RECQL: variants seen among roughly 807,000 people sequenced by gnomAD.
RECQL encodes the protein ATP-dependent DNA helicase Q1.
In RECQL, 73 loss-of-function variants were observed where a neutral mutation model predicts 75.8. The ratio of observed to expected loss-of-function variants is 0.96; its 90% confidence interval spans 0.80 to 1.17. The LOEUF (loss-of-function observed/expected upper bound fraction) is 1.17. RECQL is among the 50% of genes most tolerant of loss of function. The pLI is 0.00. For synonymous variants in RECQL, 248 were observed against 254.4 expected (o/e 0.97, Z 0.24); for missense variants, 699 against 772.1 (o/e 0.91, Z 1.12).
intron 2 of RECQL, among the ~76,000 whole-genome samples, chr12:21,495,337 C>T (rs1943485254): frequency 6.6e-6 from 1 of 152,208 alleles, no homozygotes; most frequent in Non-Finnish European, 1.5e-5. Context: ...TGGCTCACGC[C>T]TGTAATCCCA....
chr12:21,491,834 G>A, intron 2 of RECQL, 118 bp from the exon 3 acceptor site: 2 of 896,108 alleles, frequency 2.2e-6, no homozygotes, highest in South Asian at 3.6e-5. Context: ...AAGTAGTATA[G>A]CAGAATGGTT....
intron 12 of RECQL, among the ~76,000 whole-genome samples, chr12:21,472,200 T>TGGTAA (rs201456412): frequency 0.02 from 2,975 of 152,188 alleles, 87 homozygotes; most frequent in Admixed American, 0.091. Context: ...GGTCTTACCA[T>TGGTAA]GAGGTACTGG....
At position 21,471,590 on chromosome 12, in the gene RECQL, T is replaced by C; in HGVS notation, c.1505A>G (p.Gln502Arg). ...GAGTTTTTCATTCAGTTCCTCTGCC[T>C]GCTTCAGGATCTTGATTAGATCTCT... ...YCRDLIKILKQAEELNEKLTP... is the reference protein window; with the variant it reads ...YCRDLIKILKRAEELNEKLTP... Residue 502 changes from glutamine (Q) to arginine (R), a missense_variant, in exon 13 of 15, where the codon CAG becomes CGG. By Grantham distance (43) the Gln-to-Arg change is conservative. Coordinates refer to ENST00000444129, the MANE Select transcript of RECQL (RefSeq NM_002907.4). 1 of 1,612,852 alleles carries C rather than the reference T, an allele frequency of 6.2e-7. No homozygotes were observed. Among genetic ancestry groups the C allele is most frequent in the Non-Finnish European group, 8.5e-7 (1 of 1,179,244 alleles).
chr12:21,491,052 G>A (rs1431137608), intron 3 of RECQL, among the ~76,000 whole-genome samples: 2 of 152,138 alleles, frequency 1.3e-5, no homozygotes, highest in Non-Finnish European at 2.9e-5. Flanking sequence ...TTGTTCAGAC[G>A]TGAATCATTG....
chr12:21,480,697 C>A (rs1432078851), intron 6 of RECQL, among the ~76,000 whole-genome samples: 1 of 152,156 alleles, frequency 6.6e-6, no homozygotes, highest in African/African-American at 2.4e-5. Flanking sequence ...GTCACCCCTG[C>A]AAGGCTTCTC....
At chr12:21,483,073 AT>A (rs77123184) in intron 6 of RECQL, among the ~76,000 whole-genome samples, 16,172 of 152,156 alleles carry the variant, frequency 0.11, 951 homozygotes, top group East Asian at 0.22. Flanking sequence ...ATGTGTCCAT[AT>A]TTGTCCATAA....
intron 11 of RECQL, among the ~76,000 whole-genome samples, chr12:21,474,120 ATTC>A (rs145645408): frequency 0.033 from 5,061 of 152,186 alleles, 305 homozygotes; most frequent in African/African-American, 0.11. Flanking sequence ...TTAGGAGAAT[ATTC>A]TTGACAGTAA....
At chr12:21,471,696 G>A (rs1942970191) in intron 12 of RECQL, 49 bp from the exon 13 acceptor site, 2 of 1,399,970 alleles carry the variant, frequency 1.4e-6, no homozygotes, top group Non-Finnish European at 2.0e-6. Flanking sequence ...TAGAAATGAG[G>A]GCAAAGATAG....
intron 6 of RECQL, among the ~76,000 whole-genome samples, chr12:21,478,664 G>A (rs778382752): frequency 2.0e-5 from 3 of 152,200 alleles, no homozygotes; most frequent in South Asian, 2.1e-4. Context: ...AAGTCACAGA[G>A]TCTTGTGGTG....
intron 13 of RECQL, 95 bp downstream of exon 13, chr12:21,471,331 TCA>T: frequency 8.6e-7 from 1 of 1,163,854 alleles, no homozygotes. Flanking sequence ...ATTTAAAAGT[TCA>T]CACAAAATAA....
At chr12:21,494,641 T>A (rs1472525190) in intron 2 of RECQL, among the ~76,000 whole-genome samples, 1 of 152,070 alleles carries the variant, frequency 6.6e-6, no homozygotes, top group Non-Finnish European at 1.5e-5. Context: ...ATTCAGAGGC[T>A]TAGAGAGAGA....
intron 13 of RECQL, 84 bp downstream of exon 13, chr12:21,471,344 C>G (rs988010743): frequency 7.8e-7 from 1 of 1,276,888 alleles, no homozygotes; most frequent in Non-Finnish European, 1.1e-6. Flanking sequence ...CACAAAATAA[C>G]TGCAAAACCG....
At chr12:21,497,198 G>A (rs1425078635) in intron 2 of RECQL, among the ~76,000 whole-genome samples, 1 of 152,198 alleles carries the variant, frequency 6.6e-6, no homozygotes, top group African/African-American at 2.4e-5. Flanking sequence ...ATGTGCCAAA[G>A]TGAGCAGGTT....
At chr12:21,483,600 A>G (rs763845513) in intron 5 of RECQL, 26 bp from the exon 6 acceptor site, 9 of 1,505,578 alleles carry the variant, frequency 6.0e-6, no homozygotes, top group Non-Finnish European at 8.1e-6. Context: ...AATAGACACA[A>G]TGATAGTAAA....
chr12:21,480,454 T>C (rs575949317), intron 6 of RECQL, among the ~76,000 whole-genome samples: 5 of 152,238 alleles, frequency 3.3e-5, no homozygotes, highest in African/African-American at 1.2e-4. Context: ...GAGGCAGAGC[T>C]GACAACACTT....
chr12:21,480,794 A>G (rs1344028973), intron 6 of RECQL, among the ~76,000 whole-genome samples: 1 of 152,096 alleles, frequency 6.6e-6, no homozygotes, highest in East Asian at 1.9e-4. Flanking sequence ...TTTATCACAG[A>G]CGTACCCCAC....
At position 21,470,312 on chromosome 12, in the gene RECQL, C is replaced by T; in HGVS notation, c.1832G>A (p.Gly611Asp). 1 of 1,586,612 alleles carries T rather than the reference C, an allele frequency of 6.3e-7. No individual in the cohort carries two copies. ...ATTTTTTTCCTCCATCTTTTTATCACCTTGTTCAGAATGACAAGTTTGAGA... is the reference window on the plus strand; with the variant it reads ...ATTTTTTTCCTCCATCTTTTTATCATCTTGTTCAGAATGACAAGTTTGAGA... ...ESSQTCHSEQ[G>D]DKKMEEKNSG... is the part of the protein sequence containing the mutation. The change falls in exon 15 of 15, where the codon GGT becomes GAT. Residue 611 changes from glycine (G) to aspartate (D), a missense_variant. Transcript: ENST00000444129.
chr12:21,485,679 C>T (rs1345556313), intron 5 of RECQL, among the ~76,000 whole-genome samples: 1 of 151,018 alleles, frequency 6.6e-6, no homozygotes, highest in Non-Finnish European at 1.5e-5. Flanking sequence ...GAAGAATTTA[C>T]AATTAAAATA....
intron 1 of RECQL, among the ~76,000 whole-genome samples, chr12:21,500,268 G>T (rs948349721): frequency 6.6e-6 from 1 of 152,140 alleles, no homozygotes; most frequent in Non-Finnish European, 1.5e-5. Context: ...AGGGGAAAAT[G>T]GTTTGTAATG....
Sources: allele counts gnomAD v4.1 joint callset (sites outside exome capture counted in the v4.1 genomes callset), GRCh38; gene constraint gnomAD v4.1.1; transcripts MANE v1.5; gene names NCBI Gene and HGNC (gene_info 2026-07-23, HGNC 2026-07-21).